PCDH11Y: variants seen among roughly 807,000 people sequenced by gnomAD.
PCDH11Y encodes protocadherin-11 Y-linked.
For missense variants in PCDH11Y, 12 were observed against 224.8 expected, an observed-to-expected ratio of 0.05 and a Z score of 6.05; for synonymous variants, 9 against 83.6, an observed-to-expected ratio of 0.11 and a Z score of 4.87.
intron 2 of PCDH11Y, among the ~76,000 whole-genome samples, chrY:5,209,930 C>T: frequency 6.1e-5 from 2 of 33,040 alleles, no homozygotes; most frequent in African/African-American, 1.2e-4. Flanking sequence ...GGTGTGGTGG[C>T]GCATGCCTAT....
intron 2 of PCDH11Y, among the ~76,000 whole-genome samples, chrY:5,235,772 G>A (rs2052974380): frequency 3.0e-5 from 1 of 33,231 alleles, no homozygotes; most frequent in Non-Finnish European, 7.5e-5. Flanking sequence ...ATTTCTTTGG[G>A]TATATAACCA....
At chrY:5,637,579 T>C in intron 4 of PCDH11Y, among the ~76,000 whole-genome samples, 2 of 33,519 alleles carry the variant, frequency 6.0e-5, no homozygotes, top group African/African-American at 2.3e-4. Flanking sequence ...TGCACATATA[T>C]GAAGTATATA....
chrY:5,374,636 C>T, intron 2 of PCDH11Y, among the ~76,000 whole-genome samples: 4 of 31,554 alleles, frequency 1.3e-4, no homozygotes, highest in Admixed American at 3.0e-4. Flanking sequence ...TTTTGACATA[C>T]GTGAAAACAT....
At chrY:5,273,312 G>A (rs2053039451) in intron 2 of PCDH11Y, among the ~76,000 whole-genome samples, 1 of 33,440 alleles carries the variant, frequency 3.0e-5, no homozygotes, top group African/African-American at 1.2e-4. Flanking sequence ...CTTAAACTCC[G>A]TATTTGAAGA....
intron 2 of PCDH11Y, among the ~76,000 whole-genome samples, chrY:5,328,881 C>T (rs370571786): frequency 1.3e-4 from 4 of 31,158 alleles, no homozygotes; most frequent in Non-Finnish European, 2.3e-4. Context: ...GACTCAGCGA[C>T]GCTTGGGGTT....
At chrY:5,463,635 AAAGTT>A (rs2053305765) in intron 2 of PCDH11Y, among the ~76,000 whole-genome samples, 1 of 31,206 alleles carries the variant, frequency 3.2e-5, no homozygotes, top group Non-Finnish European at 7.7e-5. Context: ...TCTCTCAAAG[AAAGTT>A]AAAATACTTT....
At chrY:5,153,186 A>T in intron 2 of PCDH11Y, among the ~76,000 whole-genome samples, 1 of 33,340 alleles carries the variant, frequency 3.0e-5, no homozygotes, top group African/African-American at 1.2e-4. Context: ...GGCAGATAAA[A>T]TGCAAAGGAA....
At chrY:5,009,585 C>A in intron 1 of PCDH11Y, among the ~76,000 whole-genome samples, 1 of 33,970 alleles carries the variant, frequency 2.9e-5, no homozygotes, top group South Asian at 6.4e-4. Flanking sequence ...AGTGCATTCT[C>A]TAAAATTTGA....
chrY:5,332,075 G>A, intron 2 of PCDH11Y, among the ~76,000 whole-genome samples: 1 of 33,413 alleles, frequency 3.0e-5, no homozygotes, highest in African/African-American at 1.2e-4. Flanking sequence ...TGACCAACAT[G>A]GAGAAACCCT....
intron 4 of PCDH11Y, among the ~76,000 whole-genome samples, chrY:5,586,176 T>C (rs1602946848): frequency 2.8e-4 from 9 of 32,669 alleles, no homozygotes; most frequent in African/African-American, 7.1e-4. Flanking sequence ...ATTGAATGTA[T>C]ACATTGTTTT....
intron 2 of PCDH11Y, among the ~76,000 whole-genome samples, chrY:5,244,275 G>C: frequency 1.2e-4 from 4 of 33,709 alleles, no homozygotes; most frequent in African/African-American, 2.3e-4. Context: ...GCAGTGTTTA[G>C]GGGGAAACTT....
At chrY:5,663,483 G>C in intron 4 of PCDH11Y, among the ~76,000 whole-genome samples, 1 of 33,433 alleles carries the variant, frequency 3.0e-5, no homozygotes, top group African/African-American at 1.2e-4. Flanking sequence ...TAAGAAGCTA[G>C]CTTTTTTTCT....
chrY:5,081,334 A>C, intron 1 of PCDH11Y, among the ~76,000 whole-genome samples: 1 of 32,423 alleles, frequency 3.1e-5, no homozygotes, highest in African/African-American at 1.2e-4. Flanking sequence ...TTTTGCTTGG[A>C]ATTGTCTTAA....
intron 4 of PCDH11Y, among the ~76,000 whole-genome samples, chrY:5,604,485 C>T: frequency 3.1e-5 from 1 of 32,433 alleles, no homozygotes; most frequent in Non-Finnish European, 7.6e-5. Flanking sequence ...GCATTCCTCC[C>T]GGTATTGCAT....
At chrY:5,703,373 A>G in intron 4 of PCDH11Y, among the ~76,000 whole-genome samples, 2 of 33,232 alleles carry the variant, frequency 6.0e-5, no homozygotes, top group African/African-American at 2.3e-4. Context: ...GAGAAAATTA[A>G]CAAGCCAAAT....
chrY:5,574,314 T>C, intron 3 of PCDH11Y: 1 of 342,434 alleles, frequency 2.9e-6, no homozygotes, highest in Non-Finnish European at 4.2e-6. Flanking sequence ...ACTTCATTCT[T>C]GGTGATGCCT....
intron 2 of PCDH11Y, among the ~76,000 whole-genome samples, chrY:5,129,585 T>G (rs2124641009): frequency 3.1e-5 from 1 of 32,270 alleles, no homozygotes; most frequent in African/African-American, 1.2e-4. Flanking sequence ...CCAATGGTTT[T>G]CAATTTATAT....
intron 2 of PCDH11Y, among the ~76,000 whole-genome samples, chrY:5,172,915 A>T: frequency 3.0e-5 from 1 of 33,219 alleles, no homozygotes; most frequent in Non-Finnish European, 7.5e-5. Context: ...CTGAGAGATA[A>T]TATTAATAAC....
At chrY:5,207,628 T>A in intron 2 of PCDH11Y, 1 of 359,791 alleles carries the variant, frequency 2.8e-6, no homozygotes, top group Non-Finnish European at 4.0e-6. Context: ...CAGCCAGCCC[T>A]TGTAACCCAG....
Sources: allele counts gnomAD v4.1 joint callset (sites outside exome capture counted in the v4.1 genomes callset), GRCh38; gene constraint gnomAD v4.1.1; transcripts MANE v1.5; gene names NCBI Gene and HGNC (gene_info 2026-07-23, HGNC 2026-07-21).